Variants in NTRK2 observed in about 807,000 individuals in gnomAD.
NTRK2 encodes neurotrophic receptor tyrosine kinase 2.
NTRK2 carries 13 observed loss-of-function variants against 94.5 expected under a neutral mutation model. The ratio of observed to expected loss-of-function variants is 0.14; its 90% CI spans 0.09 to 0.22. The LOEUF is 0.22. NTRK2 is among the 10% of genes least tolerant of loss of function. The pLI, the probability that NTRK2 is intolerant of heterozygous loss-of-function variation, is 1.00. For synonymous variants in NTRK2, 372 were observed against 407.4 expected (o/e 0.91, Z 1.05); for missense variants, 639 against 1,071.2 (o/e 0.60, Z 5.63).
chr9:84,765,701 C>T (rs1351010618), intron 12 of NTRK2, among the ~76,000 whole-genome samples: 1 of 152,022 alleles, frequency 6.6e-6, no homozygotes, highest in African/African-American at 2.4e-5. Flanking sequence ...TTGTCTTGCC[C>T]CTGGGTAATG....
chr9:84,833,008 A>G (rs1008526382), intron 12 of NTRK2, among the ~76,000 whole-genome samples: 2 of 151,314 alleles, frequency 1.3e-5, no homozygotes, highest in Non-Finnish European at 2.9e-5. Flanking sequence ...TCTGTGTCAG[A>G]GGAGCCCACA....
chr9:84,723,434 T>A, intron 6 of NTRK2, 139 bp from the exon 7 acceptor site: 1 of 977,968 alleles, frequency 1.0e-6, no homozygotes, highest in Non-Finnish European at 1.6e-6. Flanking sequence ...TAGCACTTTT[T>A]CAGATCAACA....
At chr9:84,822,490 G>A (rs189486156) in intron 12 of NTRK2, among the ~76,000 whole-genome samples, 3 of 152,270 alleles carry the variant, frequency 2.0e-5, no homozygotes, top group East Asian at 3.9e-4. Flanking sequence ...ACACCAAGAT[G>A]GAATTAAAGC....
intron 12 of NTRK2, among the ~76,000 whole-genome samples, chr9:84,786,738 C>T (rs894182769): frequency 2.6e-5 from 4 of 152,144 alleles, no homozygotes; most frequent in Non-Finnish European, 4.4e-5. Flanking sequence ...ACTTACCGCT[C>T]CCAGTGGCCA....
intron 14 of NTRK2, among the ~76,000 whole-genome samples, chr9:84,905,528 T>C (rs2077048942): frequency 6.6e-6 from 1 of 152,142 alleles, no homozygotes; most frequent in Non-Finnish European, 1.5e-5. Flanking sequence ...CAATCAATAT[T>C]TTTTTAGAAA....
chr9:84,718,609 C>T (rs963393745), intron 6 of NTRK2, among the ~76,000 whole-genome samples: 24 of 152,156 alleles, frequency 1.6e-4, no homozygotes, highest in African/African-American at 5.3e-4. Flanking sequence ...CGATCTCCAG[C>T]GAGGTTCCCC....
At chr9:84,749,914 G>A (rs544653252) in intron 11 of NTRK2, among the ~76,000 whole-genome samples, 1 of 152,264 alleles carries the variant, frequency 6.6e-6, no homozygotes, top group South Asian at 2.1e-4. Flanking sequence ...CCACATCTTG[G>A]GGACTTAAAA....
At chr9:84,808,611 C>T (rs1001767074) in intron 12 of NTRK2, among the ~76,000 whole-genome samples, 1 of 152,202 alleles carries the variant, frequency 6.6e-6, no homozygotes, top group East Asian at 1.9e-4. Context: ...GTTAAACTAG[C>T]TCAGCTTCTG....
intron 2 of NTRK2, among the ~76,000 whole-genome samples, chr9:84,680,767 C>G (rs1460763689): frequency 3.9e-5 from 6 of 152,258 alleles, no homozygotes; most frequent in East Asian, 1.9e-4. Flanking sequence ...ATCTCTTATA[C>G]CAGTCCCATT....
At chr9:84,893,303 C>T (rs1302981873) in intron 14 of NTRK2, among the ~76,000 whole-genome samples, 1 of 152,184 alleles carries the variant, frequency 6.6e-6, no homozygotes, top group East Asian at 1.9e-4. Flanking sequence ...TGTGTGAGAA[C>T]TGGGCTTCTT....
chr9:84,902,002 T>G (rs2076943946), intron 14 of NTRK2, among the ~76,000 whole-genome samples: 1 of 152,090 alleles, frequency 6.6e-6, no homozygotes, highest in Admixed American at 6.5e-5. Flanking sequence ...AAGACCAGCC[T>G]GGCCAACATG....
rs567966378 is a variant in NTRK2, at chr9:84,680,478, G to A, written c.212+9518G>A. Among the ~76,000 whole-genome samples, 4 of 152,304 alleles carry A rather than the reference G, an allele frequency of 2.6e-5. No individual in the cohort carries two copies. The South Asian group carries it at 8.3e-4, about 32-fold the overall frequency. On this transcript the variant is annotated intron_variant, in intron 2 of 18. Transcript: ENST00000277120. ...GCAACTTGCATCTGCAACCAGTTAC[G>A]ATGGAAGGGCTGGAGCGCCTTTCAG...
intron 17 of NTRK2, among the ~76,000 whole-genome samples, chr9:85,008,381 T>G (rs1435842388): frequency 6.6e-6 from 1 of 152,038 alleles, no homozygotes; most frequent in East Asian, 1.9e-4. Flanking sequence ...TTGCCATTAT[T>G]TTTCATGGCA....
chr9:84,957,706 G>C (rs1322500810), intron 17 of NTRK2, among the ~76,000 whole-genome samples: 1 of 152,192 alleles, frequency 6.6e-6, no homozygotes, highest in Non-Finnish European at 1.5e-5. Flanking sequence ...GTTCAACATA[G>C]AGTTACCATG....
In NTRK2 at chr9:84,669,832, C is replaced by A. The variant is rs548998234; in HGVS notation, c.-429C>A. The A allele has an allele frequency of 6.5e-6, 1 of 152,762 alleles. No homozygotes were observed. The highest frequency in any genetic ancestry group is 6.5e-5 in the Admixed American group (1 of 15,308). The allele number at this position is 152,762 out of a possible 1,614,324, so 9.5% of individuals were successfully genotyped here. The stretch of plus-strand genomic sequence containing the variant: ...CGCGCTCTACGCGCTCAGTCCCCGG[C>A]GGTAGCAGGAGCCTGGACCCAGGCG... On this transcript the variant is annotated 5_prime_UTR_variant, in exon 1 of 19. Coordinates refer to ENST00000277120, the MANE Select transcript of NTRK2 (RefSeq NM_006180.6). The surrounding 1 kb of genome is among the most constrained non-coding windows in gnomAD (Gnocchi z 4.1).
rs1187582291 is a variant in NTRK2, at chr9:84,870,345, A to G, written c.1633+2914A>G. Among the ~76,000 whole-genome samples, 447 of 115,546 alleles carry G rather than the reference A, an allele frequency of 3.9e-3. 17 individuals are homozygous for G. Among genetic ancestry groups the G allele is most frequent in the African/African-American group, 0.012 (383 of 32,988 alleles). The allele number at this position is 115,546 out of a possible 152,430, so 75.8% of individuals were successfully genotyped here. A position where few individuals can be genotyped will look rare whatever the true frequency, so the allele number is the denominator to read the frequency against. On this transcript the variant is annotated intron_variant, in intron 14 of 18. Coordinates refer to ENST00000277120, the MANE Select transcript of NTRK2 (RefSeq NM_006180.6). ...GGTGTGTGTGTGTATATATATATAT[A>G]TATATATATATATATATATAAAACT...
intron 12 of NTRK2, among the ~76,000 whole-genome samples, chr9:84,809,056 A>C (rs1037696378): frequency 6.6e-6 from 1 of 152,212 alleles, no homozygotes; most frequent in African/African-American, 2.4e-5. Context: ...TAAACACAGT[A>C]TTATGTATAC....
chr9:84,782,195 T>C lies in NTRK2; in HGVS notation c.1396+30110T>C, dbSNP rs114890092. The stretch of plus-strand genomic sequence containing the variant: ...GCCAGACAATCCATCTCTGGTTCCA[T>C]AGGGAATGCTTACCAAGCCAGGCAT... On this transcript the variant is annotated intron_variant, in intron 12 of 18. Transcript: ENST00000277120. 7.3e-3 allele frequency among the ~76,000 whole-genome samples: 1,107 copies of C among 152,282 alleles called. 20 individuals carry two copies. The highest frequency in any genetic ancestry group is 0.025 in the African/African-American group (1,028 of 41,558).
At chr9:84,701,398 C>A (rs968462020) in intron 2 of NTRK2, among the ~76,000 whole-genome samples, 2 of 152,146 alleles carry the variant, frequency 1.3e-5, no homozygotes, top group African/African-American at 4.8e-5. Context: ...TCTTCCCCAG[C>A]ATTCATTTAT....
Sources: allele counts gnomAD v4.1 joint callset (sites outside exome capture counted in the v4.1 genomes callset), GRCh38; gene constraint gnomAD v4.1.1; non-coding constraint Gnocchi (gnomAD v3.1); transcripts MANE v1.5; gene names NCBI Gene and HGNC (gene_info 2026-07-23, HGNC 2026-07-21).